TTC28: variants seen among roughly 807,000 people sequenced by gnomAD.
The protein encoded by TTC28 is tetratricopeptide repeat protein 28.
Under a neutral mutation model 198.0 loss-of-function variants are expected in TTC28, and 61 were observed. That is an observed-to-expected ratio of 0.31 (90% CI 0.25 to 0.38). The LOEUF is 0.38. Among genes scored for constraint, TTC28 ranks in the 10% least tolerant of loss-of-function variants. The pLI, the probability that TTC28 is intolerant of heterozygous loss-of-function variation, is 1.00. For missense variants in TTC28, 2,678 were observed against 3,164.0 expected (o/e 0.85, Z 3.69); for synonymous variants, 1,171 against 1,297.8 (o/e 0.90, Z 2.10).
intron 6 of TTC28, among the ~76,000 whole-genome samples, chr22:28,161,465 T>C (rs1242301009): frequency 3.9e-5 from 6 of 152,052 alleles, no homozygotes; most frequent in Non-Finnish European, 8.8e-5. Flanking sequence ...TTGGGCAACA[T>C]AGTGAGACCA....
intron 13 of TTC28, 76 bp downstream of exon 13, chr22:28,030,150 A>G: frequency 1.3e-6 from 2 of 1,509,286 alleles, no homozygotes; most frequent in Non-Finnish European, 1.8e-6. Flanking sequence ...TGGAAGGAGC[A>G]TCCACTGAAA....
In TTC28 at chr22:28,590,034, C is replaced by CAAAAAAAAAAAAAAAAAAAA. The variant is rs71194779; in HGVS notation, c.381+39498_381+39517dup. On this transcript the variant is annotated intron_variant, in intron 2 of 22. Transcript: ENST00000397906. ...CCTGGGCAACAGAACAAGACTCCATCAAAAAAAAAAAAAAAAAAAAAAAAA... is the reference window on the plus strand; with the variant it reads ...CCTGGGCAACAGAACAAGACTCCATCAAAAAAAAAAAAAAAAAAAAAAAAAAAAAAAAAAAAAAAAAAAAA... 4.6e-4 allele frequency among the ~76,000 whole-genome samples: 31 copies of CAAAAAAAAAAAAAAAAAAAA among 68,048 alleles called. 1 individual carries two copies. Among genetic ancestry groups the CAAAAAAAAAAAAAAAAAAAA allele is most frequent in the African/African-American group, 9.2e-4 (9 of 9,740 alleles). The allele number at this position is 68,048 out of a possible 152,430, so 44.6% of individuals were successfully genotyped here.
chr22:28,063,543 C>A (rs2146746884), intron 12 of TTC28, among the ~76,000 whole-genome samples: 1 of 152,264 alleles, frequency 6.6e-6, no homozygotes, highest in Admixed American at 6.5e-5. Flanking sequence ...GCCCCACTGC[C>A]CACCGCAGAG....
At chr22:28,504,464 C>CTA (rs908454787) in intron 2 of TTC28, among the ~76,000 whole-genome samples, 7 of 151,458 alleles carry the variant, frequency 4.6e-5, no homozygotes, top group East Asian at 1.9e-4. Context: ...ACACACACAC[C>CTA]TATATATATA....
chr22:28,230,785 G>T (rs756919416), intron 5 of TTC28, among the ~76,000 whole-genome samples: 1 of 152,132 alleles, frequency 6.6e-6, no homozygotes, highest in Non-Finnish European at 1.5e-5. Context: ...TTATATAATT[G>T]TAAACTATTA....
intron 2 of TTC28, among the ~76,000 whole-genome samples, chr22:28,541,142 T>C (rs2049402188): frequency 6.6e-6 from 1 of 152,232 alleles, no homozygotes; most frequent in Non-Finnish European, 1.5e-5. Context: ...GAGCAACAGA[T>C]ACCACATCTA....
intron 6 of TTC28, among the ~76,000 whole-genome samples, chr22:28,155,078 CT>C (rs1056838715): frequency 6.6e-5 from 10 of 152,360 alleles, no homozygotes; most frequent in Admixed American, 2.6e-4. Context: ...CTGATTCAGT[CT>C]CCCTGGCTGG....
chr22:28,105,706 A>G lies in TTC28; in HGVS notation c.2880T>C (p.Tyr960=). Residue 960 remains tyrosine, a synonymous_variant, in exon 8 of 23, where the codon TAT becomes TAC. Transcript: ENST00000397906. ...LGEAFNKAQA[Y]GELGSLHSQL... is the part of the protein sequence containing the mutation. ...GGCTGTGCAGACTTCCCAGCTCTCC[A>G]TAGGCCTGGGCTTTATTGAAGGCCT... 1 of 1,551,786 alleles carries G rather than the reference A, an allele frequency of 6.4e-7. No individual in the cohort carries two copies.
chr22:28,174,449 C>T (rs1310989192), intron 5 of TTC28, among the ~76,000 whole-genome samples: 2 of 152,170 alleles, frequency 1.3e-5, no homozygotes, highest in Non-Finnish European at 2.9e-5. Flanking sequence ...AAAAAGACAA[C>T]ACAAGAAGTT....
chr22:28,189,546 T>C (rs1924529510), intron 5 of TTC28, among the ~76,000 whole-genome samples: 1 of 149,612 alleles, frequency 6.7e-6, no homozygotes, highest in Admixed American at 6.7e-5. Context: ...ACTGAACACA[T>C]GAGATTCTAC....
At chr22:28,145,722 C>G (rs1235252274) in intron 6 of TTC28, among the ~76,000 whole-genome samples, 1 of 152,192 alleles carries the variant, frequency 6.6e-6, no homozygotes, top group Non-Finnish European at 1.5e-5. Flanking sequence ...ATTTCAGTAG[C>G]ATTTTCACCT....
intron 2 of TTC28, among the ~76,000 whole-genome samples, chr22:28,602,931 G>A (rs1420555032): frequency 1.3e-5 from 2 of 152,160 alleles, no homozygotes; most frequent in African/African-American, 4.8e-5. Context: ...CCAGGCTGGA[G>A]TGCAGTGGTA....
intron 5 of TTC28, among the ~76,000 whole-genome samples, chr22:28,212,194 C>T (rs1327802054): frequency 1.3e-5 from 2 of 151,942 alleles, no homozygotes; most frequent in Non-Finnish European, 2.9e-5. Context: ...AAAATTGACA[C>T]CTGAACATCA....
intron 12 of TTC28, among the ~76,000 whole-genome samples, chr22:28,071,748 G>GAA (rs371615737): frequency 4.3e-4 from 39 of 91,142 alleles, no homozygotes; most frequent in East Asian, 1.7e-3. Context: ...AAAAAAAAAG[G>GAA]AAAAAAAAAA....
chr22:28,654,006 C>T (rs1402081546), intron 1 of TTC28, among the ~76,000 whole-genome samples: 2 of 152,082 alleles, frequency 1.3e-5, no homozygotes, highest in East Asian at 1.9e-4. Flanking sequence ...GCTGAACTTC[C>T]GTTCTTACAA....
chr22:28,191,406 C>T (rs993061854), intron 5 of TTC28, among the ~76,000 whole-genome samples: 7 of 152,208 alleles, frequency 4.6e-5, no homozygotes, highest in African/African-American at 1.7e-4. Context: ...ACTGAGGTAG[C>T]GGGTTCATCT....
intron 2 of TTC28, among the ~76,000 whole-genome samples, chr22:28,607,463 T>C (rs746696466): frequency 1.3e-5 from 2 of 152,160 alleles, no homozygotes; most frequent in Non-Finnish European, 2.9e-5. Context: ...ATTCCATCTA[T>C]ACAAAGCTGA....
At chr22:28,042,571 G>C (rs1365184471) in intron 12 of TTC28, among the ~76,000 whole-genome samples, 1 of 152,068 alleles carries the variant, frequency 6.6e-6, no homozygotes, top group Non-Finnish European at 1.5e-5. Flanking sequence ...TCATACACTG[G>C]GGCTTGTCAG....
At chr22:28,494,525 A>C (rs1395556236) in intron 2 of TTC28, among the ~76,000 whole-genome samples, 1 of 152,126 alleles carries the variant, frequency 6.6e-6, no homozygotes, top group Non-Finnish European at 1.5e-5. Context: ...AGAAACTGCC[A>C]ACTAACCCCT....
Sources: allele counts gnomAD v4.1 joint callset (sites outside exome capture counted in the v4.1 genomes callset), GRCh38; gene constraint gnomAD v4.1.1; transcripts MANE v1.5; gene names NCBI Gene and HGNC (gene_info 2026-07-23, HGNC 2026-07-21).